Variants in HDAC4 observed in about 807,000 individuals in gnomAD.
HDAC4 encodes the protein histone deacetylase A.
A neutral mutation model predicts 135.1 loss-of-function variants in HDAC4; 16 were observed. The observed-to-expected ratio is 0.12, with a 90% CI of 0.08 to 0.18. HDAC4 has a LOEUF of 0.18. HDAC4 is among the 10% of genes least tolerant of loss of function. HDAC4 has a pLI of 1.00. For synonymous variants in HDAC4, 685 were observed against 653.4 expected (o/e 1.05, Z -0.74); for missense variants, 1,143 against 1,511.8 (o/e 0.76, Z 4.05).
intron 6 of HDAC4, among the ~76,000 whole-genome samples, chr2:239,161,219 T>C (rs1457176665): frequency 6.6e-6 from 1 of 152,236 alleles, no homozygotes; most frequent in Non-Finnish European, 1.5e-5. Context: ...GCATTGTGAA[T>C]ATTTCCTTCC....
At chr2:239,207,497 A>G (rs1473948152) in intron 3 of HDAC4, among the ~76,000 whole-genome samples, 2 of 152,234 alleles carry the variant, frequency 1.3e-5, no homozygotes, top group African/African-American at 4.8e-5. Flanking sequence ...AGTGATTTAG[A>G]AAATAAAAAG....
Position 239,053,527 on chromosome 2 carries a change from T to G in HDAC4, c.3163A>C (p.Asn1055His). The change falls in exon 26 of 27, where the codon AAC becomes CAC. Residue 1055 changes from asparagine to histidine, a missense_variant. Physicochemically the swap from Asn to His is moderately conservative, Grantham distance 68 (BLOSUM62 1). Around this residue, in one of 9 missense-constraint regions of HDAC4, gnomAD observed 131 missense variants for 130.6 expected, o/e 1.00. Coordinates refer to ENST00000543185, the MANE Select transcript of HDAC4 (RefSeq NM_001378414.1). ...RSLIEAQTCE[N>H]EEAETVTAMA... Reference sequence around the variant, plus strand: ...GCGGTGACCGTCTCGGCTTCTTCGTTCTCGCAAGTCTGAGCCTCGATCAGA... The same window carrying G: ...GCGGTGACCGTCTCGGCTTCTTCGTGCTCGCAAGTCTGAGCCTCGATCAGA... 1 of 1,613,896 alleles carries G rather than the reference T, an allele frequency of 6.2e-7. No individual in the cohort carries two copies. Among genetic ancestry groups the G allele is most frequent in the Non-Finnish European group, 8.5e-7 (1 of 1,180,008 alleles).
intron 3 of HDAC4, among the ~76,000 whole-genome samples, chr2:239,191,242 C>G (rs1367851251): frequency 6.6e-6 from 1 of 152,234 alleles, no homozygotes; most frequent in African/African-American, 2.4e-5. Context: ...GAGAAAACAG[C>G]TCCTCGCCCC....
At chr2:239,179,045 CAT>C (rs2043963453) in intron 4 of HDAC4, among the ~76,000 whole-genome samples, 1 of 150,788 alleles carries the variant, frequency 6.6e-6, no homozygotes, top group African/African-American at 2.4e-5. Context: ...ACGCCTGAGG[CAT>C]AGAGTGGGGT....
chr2:239,278,848 G>A (rs1418517066), intron 2 of HDAC4, among the ~76,000 whole-genome samples: 3 of 152,090 alleles, frequency 2.0e-5, no homozygotes, highest in East Asian at 1.9e-4. Flanking sequence ...GGCCGGGGCC[G>A]GGAAGACCAC....
At chr2:239,160,981 T>C (rs1306440104) in intron 6 of HDAC4, among the ~76,000 whole-genome samples, 1 of 152,202 alleles carries the variant, frequency 6.6e-6, no homozygotes, top group African/African-American at 2.4e-5. Flanking sequence ...ACTCCGGCCA[T>C]CCCCACAGGT....
At chr2:239,124,735 CTGCGT>C (rs1559475431) in intron 12 of HDAC4, among the ~76,000 whole-genome samples, 18 of 130,430 alleles carry the variant, frequency 1.4e-4, no homozygotes, top group South Asian at 2.6e-4. Flanking sequence ...TGGCGTGTGG[CTGCGT>C]TATATGACAT....
intron 17 of HDAC4, chr2:239,093,825 G>T (rs1262044209): frequency 2.0e-6 from 1 of 501,338 alleles, no homozygotes; most frequent in Non-Finnish European, 2.6e-6. Context: ...CTGGCTGCAG[G>T]GCAGTGCAAA....
chr2:239,304,490 C>T (rs1437937805), intron 2 of HDAC4, among the ~76,000 whole-genome samples: 5 of 152,298 alleles, frequency 3.3e-5, no homozygotes, highest in South Asian at 2.1e-4. Context: ...GAGGCTATAA[C>T]GTAACAGACA....
chr2:239,095,067 G>A lies in HDAC4; in HGVS notation c.2234-11C>T, dbSNP rs767970655. 1.2e-6 allele frequency: 2 copies of A among 1,613,814 alleles called. No individual in the cohort carries two copies. The highest frequency in any genetic ancestry group is 2.2e-5 in the East Asian group (1 of 44,884). ...CGGAGGCGAGCGAGCCTGTGGGGGG[G>A]AGGGAGACGGTCAGAGAGGCCAAGG... is the stretch of plus-strand genomic sequence containing the variant. On this transcript the variant is annotated splice_polypyrimidine_tract_variant and intron_variant, in intron 16 of 26. Coordinates refer to ENST00000543185, the MANE Select transcript of HDAC4 (RefSeq NM_001378414.1).
chr2:239,123,369 G>T (rs2039861089), intron 12 of HDAC4, among the ~76,000 whole-genome samples: 1 of 151,916 alleles, frequency 6.6e-6, no homozygotes, highest in African/African-American at 2.4e-5. Context: ...GCTGTCCGCT[G>T]ATGAGGGCTT....
At chr2:239,110,025 C>T (rs796538389) in intron 14 of HDAC4, among the ~76,000 whole-genome samples, 23 of 152,294 alleles carry the variant, frequency 1.5e-4, no homozygotes, top group African/African-American at 5.1e-4. Context: ...GAACGCACTG[C>T]GTCGCTGTGC....
intron 12 of HDAC4, among the ~76,000 whole-genome samples, chr2:239,123,722 T>C (rs954986002): frequency 9.2e-5 from 14 of 152,044 alleles, no homozygotes; most frequent in African/African-American, 3.1e-4. Flanking sequence ...GAGAAGGAAA[T>C]TGGGACCAGG....
At chr2:239,399,188 G>A (rs1460445023) in intron 1 of HDAC4, among the ~76,000 whole-genome samples, 2 of 151,916 alleles carry the variant, frequency 1.3e-5, no homozygotes, top group Non-Finnish European at 2.9e-5. Flanking sequence ...AGAGCTACCT[G>A]AAAAAAAATT....
rs537899755 is a variant in HDAC4, at chr2:239,400,500, C to T, written c.-220+478G>A. 4 of 146,128 alleles carry T rather than the reference C, an allele frequency of 2.7e-5. No individual in the cohort carries two copies. The highest frequency in any genetic ancestry group is 9.8e-5 in the African/African-American group (4 of 40,864). The allele number at this position is 146,128 out of a possible 1,614,324, so 9.1% of individuals were successfully genotyped here. On this transcript the variant is annotated intron_variant, in intron 1 of 26. Transcript: ENST00000543185. This position sits in a 1 kb window ranked among gnomAD's most constrained non-coding sequence, Gnocchi z 4.7. ...GCGGGTGGAAAGGTCCAGAAGGGGC[C>T]GGGCGGCCCTGGGGACCGGCGGGTC...
chr2:239,082,198 G>C lies in HDAC4; in HGVS notation c.2556C>G (p.Thr852=), dbSNP rs1239611983. ...TGGGGTCGCTGTAGAAAGCCTGCTG[G>C]GTCCCGTTTCCATGGTGCACGTCCT... is the stretch of plus-strand genomic sequence containing the variant. ...VDWDVHHGNG[T]QQAFYSDPSV... is the part of the protein sequence containing the mutation. Residue 852 remains threonine, a synonymous_variant, in exon 21 of 27, where the codon ACC becomes ACG. Transcript: ENST00000543185. 1.2e-6 allele frequency: 2 copies of C among 1,614,086 alleles called. No homozygotes were observed. Among genetic ancestry groups the C allele is most frequent in the Non-Finnish European group, 8.5e-7 (1 of 1,180,042 alleles).
At chr2:239,333,114 C>T (rs1405742807) in intron 2 of HDAC4, among the ~76,000 whole-genome samples, 1 of 152,096 alleles carries the variant, frequency 6.6e-6, no homozygotes, top group African/African-American at 2.4e-5. Context: ...AAATCCATCC[C>T]AACTTAAGAA....
At chr2:239,231,940 A>G (rs1337085217) in intron 3 of HDAC4, among the ~76,000 whole-genome samples, 39 of 143,202 alleles carry the variant, frequency 2.7e-4, no homozygotes, top group African/African-American at 9.2e-4. Flanking sequence ...CCTCTCCTCA[A>G]TCGAGGCTGC....
rs950525808 is a variant in HDAC4, at chr2:239,307,513, T to C, written c.22+45165A>G. On this transcript the variant is annotated intron_variant, in intron 2 of 26. Coordinates refer to ENST00000543185, the MANE Select transcript of HDAC4 (RefSeq NM_001378414.1). This position sits in a 1 kb window ranked among gnomAD's most constrained non-coding sequence, Gnocchi z 4.8. ...ACCTGCCAGAGATACGAGGGCCCAG[T>C]GGTCACTAAGGCCCATCTCTGCAGC... is the stretch of plus-strand genomic sequence containing the variant. 1.3e-5 allele frequency among the ~76,000 whole-genome samples: 2 copies of C among 152,148 alleles called. No homozygotes were observed. Among genetic ancestry groups the C allele is most frequent in the Non-Finnish European group, 2.9e-5 (2 of 68,014 alleles).
Sources: gnomAD v4.1 joint callset for allele counts (sites outside exome capture counted in the v4.1 genomes callset) on GRCh38, gnomAD v4.1.1 for gene constraint, gnomAD v4.1.1 regional missense constraint, Gnocchi (gnomAD v3.1) non-coding constraint, MANE v1.5 for transcripts, NCBI Gene and HGNC (gene_info 2026-07-23, HGNC 2026-07-21) for gene names.